Variants in ARHGAP42 observed in about 807,000 individuals in gnomAD.
ARHGAP42 encodes the protein Rho GTPase activating protein 42, also known as rho GTPase-activating protein 42.
Under a neutral mutation model 125.0 loss-of-function variants are expected in ARHGAP42, and 63 were observed. That is an observed-to-expected ratio of 0.50 (90% CI 0.41 to 0.62). The LOEUF (loss-of-function observed/expected upper bound fraction) is 0.62. Ranked by LOEUF, ARHGAP42 falls within the 20% of genes least tolerant of loss-of-function variation. The probability of loss-of-function intolerance (pLI) is 0.00; values close to 1 mark genes in which losing one functional copy is unlikely to be tolerated. For missense variants in ARHGAP42, 766 were observed against 1,024.2 expected, an observed-to-expected ratio of 0.75 and a Z score of 3.44; for synonymous variants, 339 against 351.0, an observed-to-expected ratio of 0.97 and a Z score of 0.38.
At chr11:100,973,561 G>A (rs1377345854) in intron 18 of ARHGAP42, among the ~76,000 whole-genome samples, 10 of 152,030 alleles carry the variant, frequency 6.6e-5, no homozygotes, top group Non-Finnish European at 1.5e-5. Flanking sequence ...ACATTGTATG[G>A]TAAGTTTATT....
chr11:100,881,930 A>T (rs187382122), intron 4 of ARHGAP42, among the ~76,000 whole-genome samples: 23 of 152,272 alleles, frequency 1.5e-4, no homozygotes, highest in African/African-American at 5.1e-4. Context: ...GTTGGTATGT[A>T]GGAGAGCTAC....
At chr11:100,842,153 T>A (rs1359995063) in intron 3 of ARHGAP42, among the ~76,000 whole-genome samples, 2 of 152,166 alleles carry the variant, frequency 1.3e-5, no homozygotes, top group African/African-American at 4.8e-5. Context: ...CCCGAAAGGT[T>A]ATGACAAAAA....
intron 4 of ARHGAP42, among the ~76,000 whole-genome samples, chr11:100,885,231 C>T (rs1224203501): frequency 6.6e-6 from 1 of 152,154 alleles, no homozygotes; most frequent in Non-Finnish European, 1.5e-5. Context: ...GGGTGTGGGA[C>T]AAATTGAGTT....
chr11:100,733,852 G>A (rs1184350888), intron 1 of ARHGAP42, among the ~76,000 whole-genome samples: 124 of 77,676 alleles, frequency 1.6e-3, no homozygotes, highest in South Asian at 2.3e-3. Flanking sequence ...AAAAAAAAAA[G>A]CACTCCATTT....
intron 3 of ARHGAP42, among the ~76,000 whole-genome samples, chr11:100,795,813 C>A (rs933113132): frequency 6.6e-6 from 1 of 152,176 alleles, no homozygotes; most frequent in East Asian, 1.9e-4. Flanking sequence ...ATATATCCCA[C>A]AGGATTGTTG....
intron 1 of ARHGAP42, among the ~76,000 whole-genome samples, chr11:100,755,777 C>T (rs1375944610): frequency 6.6e-6 from 1 of 152,146 alleles, no homozygotes; most frequent in Non-Finnish European, 1.5e-5. Context: ...TTCTTATTTC[C>T]CCCCTGTCAT....
intron 1 of ARHGAP42, 48 bp downstream of exon 1, chr11:100,687,880 C>G: frequency 6.7e-7 from 1 of 1,494,562 alleles, no homozygotes; most frequent in Non-Finnish European, 9.0e-7. Flanking sequence ...GGAGAGTCCC[C>G]GCGGGGTGCG....
At chr11:100,905,600 T>C (rs867417892) in intron 4 of ARHGAP42, among the ~76,000 whole-genome samples, 14 of 138,842 alleles carry the variant, frequency 1.0e-4, no homozygotes, top group African/African-American at 3.0e-4. Flanking sequence ...TTTTGCCTAA[T>C]TTTTTGTTTC....
intron 4 of ARHGAP42, among the ~76,000 whole-genome samples, chr11:100,874,742 C>A (rs1348824883): frequency 6.6e-6 from 1 of 152,282 alleles, no homozygotes; most frequent in East Asian, 1.9e-4. Context: ...TCTACCGTAT[C>A]TTTCCTTTTT....
At chr11:100,696,250 G>A (rs574477432) in intron 1 of ARHGAP42, among the ~76,000 whole-genome samples, 1 of 152,052 alleles carries the variant, frequency 6.6e-6, no homozygotes, top group African/African-American at 2.4e-5. Context: ...AAAAAAACTG[G>A]TAACACTTTG....
chr11:100,772,915 C>T lies in ARHGAP42; in HGVS notation c.250+2477C>T, dbSNP rs562585502. Among the ~76,000 whole-genome samples the T allele has an allele frequency of 6.6e-5, 10 of 152,364 alleles. No individual in the cohort carries two copies. In the South Asian group the frequency reaches 2.1e-3, roughly 32 times the overall value. On this transcript the variant is annotated intron_variant, in intron 2 of 23. Coordinates refer to ENST00000298815, the MANE Select transcript of ARHGAP42 (RefSeq NM_152432.4). ...GCAGTGGCATGATCTCGGCTCACTG[C>T]AACCTCCGCCTCCTGGGTTTGAGTG... is the stretch of plus-strand genomic sequence containing the variant.
chr11:100,773,952 A>C (rs953121775), intron 2 of ARHGAP42, among the ~76,000 whole-genome samples: 1 of 152,188 alleles, frequency 6.6e-6, no homozygotes, highest in Non-Finnish European at 1.5e-5. Context: ...AACCCTTTGC[A>C]CTCGGAATCT....
intron 10 of ARHGAP42, among the ~76,000 whole-genome samples, chr11:100,945,225 A>G (rs1867984716): frequency 6.6e-6 from 1 of 152,092 alleles, no homozygotes; most frequent in Non-Finnish European, 1.5e-5. Context: ...CACATTTTCT[A>G]GAAGGCTCCA....
chr11:100,738,278 G>A (rs944047982), intron 1 of ARHGAP42, among the ~76,000 whole-genome samples: 9 of 152,118 alleles, frequency 5.9e-5, no homozygotes, highest in Non-Finnish European at 1.0e-4. Context: ...ACGTGGAAGC[G>A]GGAAGCTGGG....
chr11:100,908,669 A>T (rs1866822445), intron 4 of ARHGAP42, among the ~76,000 whole-genome samples: 1 of 152,142 alleles, frequency 6.6e-6, no homozygotes, highest in African/African-American at 2.4e-5. Flanking sequence ...GGTTGATTCC[A>T]TGAGTTTGCT....
rs12274762 is a variant in ARHGAP42, at chr11:100,770,523, T to C, written c.250+85T>C. 3.5e-3 allele frequency: 3,464 copies of C among 998,476 alleles called. 82 individuals are homozygous for C. The African/African-American group carries it at 0.047, about 14-fold the overall frequency. The allele number at this position is 998,476 out of a possible 1,614,324, so 61.9% of individuals were successfully genotyped here. On this transcript the variant is annotated intron_variant, in intron 2 of 23. Coordinates refer to ENST00000298815, the MANE Select transcript of ARHGAP42 (RefSeq NM_152432.4). Reference sequence around the variant, plus strand: ...GACACACACCTAAATAATAAACATGTAAAATATTTTCTGACTTTGACAATA... The same window carrying C: ...GACACACACCTAAATAATAAACATGCAAAATATTTTCTGACTTTGACAATA...
intron 3 of ARHGAP42, among the ~76,000 whole-genome samples, chr11:100,806,517 G>A (rs1163238326): frequency 6.6e-6 from 1 of 151,934 alleles, no homozygotes; most frequent in African/African-American, 2.4e-5. Flanking sequence ...GTATGTCTTA[G>A]GTTAACTTTA....
intron 4 of ARHGAP42, among the ~76,000 whole-genome samples, chr11:100,906,189 C>T (rs623600): frequency 0.45 from 68,276 of 151,988 alleles, 17,028 homozygotes; most frequent in African/African-American, 0.64. Context: ...TTGATTTATT[C>T]CCTTATGTGA....
intron 10 of ARHGAP42, among the ~76,000 whole-genome samples, chr11:100,944,775 T>G (rs1278257725): frequency 1.3e-5 from 2 of 151,610 alleles, no homozygotes; most frequent in African/African-American, 4.9e-5. Context: ...ATGTGAATGG[T>G]CATCTGAGTC....
Sources: gnomAD v4.1 joint callset for allele counts (sites outside exome capture counted in the v4.1 genomes callset) on GRCh38, gnomAD v4.1.1 for gene constraint, MANE v1.5 for transcripts, NCBI Gene and HGNC (gene_info 2026-07-23, HGNC 2026-07-21) for gene names.